AGAP1: variants seen among roughly 807,000 people sequenced by gnomAD.
AGAP1 encodes the protein ArfGAP with GTPase domain, ankyrin repeat and PH domain 1.
A neutral mutation model predicts 105.3 loss-of-function variants in AGAP1; 29 were observed. The ratio of observed to expected loss-of-function variants is 0.28; its 90% CI spans 0.21 to 0.38. The LOEUF is 0.38. AGAP1 is among the 10% of genes least tolerant of loss of function. AGAP1 has a pLI of 1.00. For synonymous variants in AGAP1, 509 were observed against 485.9 expected (o/e 1.05, Z -0.63); for missense variants, 998 against 1,165.1 (o/e 0.86, Z 2.09).
chr2:235,955,879 C>T (rs115072248), intron 12 of AGAP1, among the ~76,000 whole-genome samples: 2 of 152,288 alleles, frequency 1.3e-5, no homozygotes, highest in African/African-American at 2.4e-5. Flanking sequence ...CAAAGCCCCT[C>T]GCTGTACTGG....
intron 1 of AGAP1, among the ~76,000 whole-genome samples, chr2:235,671,515 C>T (rs1254858806): frequency 1.3e-5 from 2 of 152,192 alleles, no homozygotes; most frequent in Admixed American, 6.5e-5. Flanking sequence ...AGTCGTCTCC[C>T]TGTTAGTGCT....
Position 236,040,690 on chromosome 2 carries a change from AG to A in AGAP1, c.1801-60del. The A allele has an allele frequency of 6.7e-7, 1 of 1,501,514 alleles. No individual in the cohort carries two copies. 93.0% of individuals were successfully genotyped at this position (1,501,514 alleles called of 1,614,324 possible). A position where few individuals can be genotyped will look rare whatever the true frequency, so the allele number is the denominator to read the frequency against. Reference sequence around the variant, plus strand: ...TGTTTGATCTTTCCCTGATGTTATCAGTGATGTGCGTTTCTCCCGGGGTGCT... The same window carrying A: ...TGTTTGATCTTTCCCTGATGTTATCATGATGTGCGTTTCTCCCGGGGTGCT... On this transcript the variant is annotated intron_variant, in intron 14 of 17. Transcript: ENST00000304032. This position sits in a 1 kb window ranked among gnomAD's most constrained non-coding sequence, Gnocchi z 5.6.
At chr2:235,810,855 A>G (rs1314032950) in intron 9 of AGAP1, among the ~76,000 whole-genome samples, 1 of 80,562 alleles carries the variant, frequency 1.2e-5, no homozygotes, top group Non-Finnish European at 2.3e-5. Context: ...TTTTTTTTTT[A>G]CTAATAAGGT....
chr2:235,920,454 T>C (rs75122784), intron 11 of AGAP1, among the ~76,000 whole-genome samples: 1 of 152,154 alleles, frequency 6.6e-6, no homozygotes, highest in African/African-American at 2.4e-5. Context: ...GGTTGTTGTT[T>C]TTTTTCTCTC....
Position 235,957,196 on chromosome 2 carries a change from A to G in AGAP1, c.1484-11266A>G, listed in dbSNP as rs1450808470. Among the ~76,000 whole-genome samples the G allele has an allele frequency of 6.6e-6, 1 of 152,192 alleles. No individual in the cohort carries two copies. Among genetic ancestry groups the G allele is most frequent in the Non-Finnish European group, 1.5e-5 (1 of 68,032 alleles). ...CTTTTTTCTTTGTAAGGCTTTATAA[A>G]CATATTTCAGTAATCAAGGTCCTCA... On this transcript the variant is annotated intron_variant, in intron 12 of 17. Transcript: ENST00000304032. The surrounding 1 kb of genome is among the most constrained non-coding windows in gnomAD (Gnocchi z 4.6).
chr2:236,044,137 TAAC>T lies in AGAP1; in HGVS notation c.1891+3300_1891+3302del, dbSNP rs2057644960. Among the ~76,000 whole-genome samples the T allele has an allele frequency of 1.3e-5, 2 of 152,088 alleles. No individual in the cohort carries two copies. Among genetic ancestry groups the T allele is most frequent in the Non-Finnish European group, 1.5e-5 (1 of 68,004 alleles). ...AGAGCCAGTGAATTTGGGAAACTCTTAACAACGTCCGACTCCCAGGAAGTTGCA... is the reference window on the plus strand; with the variant it reads ...AGAGCCAGTGAATTTGGGAAACTCTTAACGTCCGACTCCCAGGAAGTTGCA... On this transcript the variant is annotated intron_variant, in intron 15 of 17. Transcript: ENST00000304032. The surrounding 1 kb of genome is among the most constrained non-coding windows in gnomAD (Gnocchi z 5.7).
In AGAP1 at chr2:236,062,530, C is replaced by T. The variant is rs550654277; in HGVS notation, c.2114+13249C>T. Among the ~76,000 whole-genome samples, 2 of 152,212 alleles carry T rather than the reference C, an allele frequency of 1.3e-5. No homozygotes were observed. Among genetic ancestry groups the T allele is most frequent in the African/African-American group, 4.8e-5 (2 of 41,520 alleles). The stretch of plus-strand genomic sequence containing the variant: ...TCACTCTATCACACAGGCTTGAATG[C>T]AGTGGCATGATCATAGCTTACTGCA... On this transcript the variant is annotated intron_variant, in intron 16 of 17. Coordinates refer to ENST00000304032, the MANE Select transcript of AGAP1 (RefSeq NM_001037131.3). The surrounding 1 kb of genome is among the most constrained non-coding windows in gnomAD (Gnocchi z 4.2).
chr2:235,497,474 C>A (rs909944688), intron 1 of AGAP1, among the ~76,000 whole-genome samples: 6 of 152,232 alleles, frequency 3.9e-5, no homozygotes, highest in African/African-American at 1.4e-4. Context: ...ACTTGTCCCA[C>A]CAAATAGAAA....
At chr2:235,587,027 G>A (rs1945134670) in intron 1 of AGAP1, among the ~76,000 whole-genome samples, 1 of 152,204 alleles carries the variant, frequency 6.6e-6, no homozygotes, top group African/African-American at 2.4e-5. Context: ...GTTAATTCTA[G>A]TGCAGTTTAA....
At chr2:236,122,319 C>A (rs1474088458) in intron 17 of AGAP1, among the ~76,000 whole-genome samples, 1 of 152,136 alleles carries the variant, frequency 6.6e-6, no homozygotes, top group Middle Eastern at 3.2e-3. Flanking sequence ...ACCATAAAGG[C>A]TCTGTCTCCA....
At chr2:235,819,569 A>G (rs927368851) in intron 9 of AGAP1, among the ~76,000 whole-genome samples, 10 of 151,978 alleles carry the variant, frequency 6.6e-5, no homozygotes, top group African/African-American at 2.4e-4. Context: ...CAGCCCCTTT[A>G]ATCTGTGCTC....
rs145249603 is a variant in AGAP1 at position 235,732,448 on chromosome 2, A to G, written c.311-8515A>G. ...ATATTGTTTCAAATTCTCATACTGG[A>G]GGTTCTCGTCTCCTGGAATGGCTGT... On this transcript the variant is annotated intron_variant, in intron 3 of 17. Transcript: ENST00000304032. This position sits in a 1 kb window ranked among gnomAD's most constrained non-coding sequence, Gnocchi z 4.8. 3.7e-3 allele frequency among the ~76,000 whole-genome samples: 558 copies of G among 152,160 alleles called. 2 individuals carry two copies. The highest frequency in any genetic ancestry group is 0.013 in the African/African-American group (536 of 41,498).
rs529274747 is a variant in AGAP1 at position 235,690,238 on chromosome 2, A to G, written c.164-18941A>G. 2.0e-5 allele frequency among the ~76,000 whole-genome samples: 3 copies of G among 152,028 alleles called. No homozygotes were observed. In the South Asian group the frequency reaches 6.2e-4, roughly 32 times the overall value. On this transcript the variant is annotated intron_variant, in intron 1 of 17. Transcript: ENST00000304032. The surrounding 1 kb of genome is among the most constrained non-coding windows in gnomAD (Gnocchi z 4.1). ...AGAGAACTTTAGTACACAGTCTTAA[A>G]CAACCCTGGAATGTTGAGCTAAAAG...
At chr2:235,707,378 C>G (rs1223625342) in intron 1 of AGAP1, among the ~76,000 whole-genome samples, 3 of 151,282 alleles carry the variant, frequency 2.0e-5, no homozygotes. Context: ...GAGTGTTCCT[C>G]TGACGGGATG....
chr2:235,815,796 A>G (rs1338595151), intron 9 of AGAP1, among the ~76,000 whole-genome samples: 1 of 152,210 alleles, frequency 6.6e-6, no homozygotes. Context: ...AACTGTTGTC[A>G]TTTGAAATAA....
rs146203522 is a variant in AGAP1 at position 235,927,799 on chromosome 2, G to A, written c.1325-2966G>A. Among the ~76,000 whole-genome samples the A allele has an allele frequency of 3.7e-4, 56 of 152,306 alleles. No individual in the cohort carries two copies. Among genetic ancestry groups the A allele is most frequent in the East Asian group, 2.7e-3 (14 of 5,186 alleles). On this transcript the variant is annotated intron_variant, in intron 11 of 17. Transcript: ENST00000304032. The surrounding 1 kb of genome is among the most constrained non-coding windows in gnomAD (Gnocchi z 4.4). Reference sequence around the variant, plus strand: ...TCCAGGGAGAAGGAGCAAGAGAAGCGGTGCTCTATTGAGTGCCATGTTGTC... The same window carrying A: ...TCCAGGGAGAAGGAGCAAGAGAAGCAGTGCTCTATTGAGTGCCATGTTGTC...
At chr2:235,775,380 G>A (rs1955784859) in intron 6 of AGAP1, among the ~76,000 whole-genome samples, 1 of 152,226 alleles carries the variant, frequency 6.6e-6, no homozygotes, top group African/African-American at 2.4e-5. Context: ...TGTATTAGCG[G>A]AAGCATAAAA....
chr2:235,972,782 A>C (rs2054705694), intron 13 of AGAP1, among the ~76,000 whole-genome samples: 1 of 152,180 alleles, frequency 6.6e-6, no homozygotes, highest in Non-Finnish European at 1.5e-5. Flanking sequence ...CACCTCCTAC[A>C]AGCCCCTGAA....
In AGAP1 at chr2:236,117,379, A is replaced by T. The variant is rs139800899; in HGVS notation, c.2115-2813A>T. 1.4e-3 allele frequency among the ~76,000 whole-genome samples: 211 copies of T among 152,310 alleles called. 2 individuals carry two copies. The highest frequency in any genetic ancestry group is 0.01 in the Middle Eastern group (3 of 294). ...AATGTGTATCAGCTTGTCAGTTCGG[A>T]TGAGGTTGCCTATGAGGTGAGATGT... is the stretch of plus-strand genomic sequence containing the variant. On this transcript the variant is annotated intron_variant, in intron 16 of 17. Coordinates refer to ENST00000304032, the MANE Select transcript of AGAP1 (RefSeq NM_001037131.3).
Sources: allele counts gnomAD v4.1 joint callset (sites outside exome capture counted in the v4.1 genomes callset), GRCh38; gene constraint gnomAD v4.1.1; non-coding constraint Gnocchi (gnomAD v3.1); transcripts MANE v1.5; gene names NCBI Gene and HGNC (gene_info 2026-07-23, HGNC 2026-07-21).